TRPM3: variants seen among roughly 807,000 people sequenced by gnomAD.
TRPM3 encodes transient receptor potential cation channel subfamily M member 3, also known as long transient receptor potential channel 3.
TRPM3 carries 77 observed loss-of-function variants against 181.2 expected under a neutral mutation model. That is an observed-to-expected ratio of 0.42 (90% CI 0.35 to 0.51). TRPM3 has a LOEUF of 0.51. Among genes scored for constraint, TRPM3 ranks in the 20% least tolerant of loss-of-function variants. The pLI, the probability that TRPM3 is intolerant of heterozygous loss-of-function variation, is 0.01. For missense variants in TRPM3, 1,759 were observed against 2,196.7 expected, an observed-to-expected ratio of 0.80 and a Z score of 3.98; for synonymous variants, 745 against 796.4, an observed-to-expected ratio of 0.94 and a Z score of 1.09.
At chr9:71,317,733 T>C (rs1016466283) in intron 1 of TRPM3, among the ~76,000 whole-genome samples, 4 of 151,948 alleles carry the variant, frequency 2.6e-5, no homozygotes, top group African/African-American at 9.7e-5. Flanking sequence ...CAAAAAACCA[T>C]TGTTTTCATT....
At chr9:71,218,657 C>T (rs2080049361) in intron 1 of TRPM3, among the ~76,000 whole-genome samples, 1 of 152,202 alleles carries the variant, frequency 6.6e-6, no homozygotes, top group Admixed American at 6.5e-5. Flanking sequence ...ACACACATAA[C>T]ACATTTATTG....
intron 1 of TRPM3, among the ~76,000 whole-genome samples, chr9:71,384,500 G>A (rs555541415): frequency 6.6e-6 from 1 of 152,278 alleles, no homozygotes. Flanking sequence ...CACGGCTGTC[G>A]TCATGGAGAC....
At chr9:70,855,555 G>T (rs1184967727) in intron 3 of TRPM3, among the ~76,000 whole-genome samples, 1 of 152,048 alleles carries the variant, frequency 6.6e-6, no homozygotes, top group Non-Finnish European at 1.5e-5. Context: ...GTAATCACCT[G>T]GTTTTTGTTA....
intron 1 of TRPM3, among the ~76,000 whole-genome samples, chr9:70,924,743 T>C (rs571158541): frequency 6.6e-6 from 1 of 152,308 alleles, no homozygotes; most frequent in East Asian, 1.9e-4. Context: ...ACGTAAGCCT[T>C]ATAGTCCTGA....
rs78104094 is a variant in TRPM3, at chr9:71,047,758, T to C, written c.177+73420A>G. Among the ~76,000 whole-genome samples, 752 of 152,028 alleles carry C rather than the reference T, an allele frequency of 4.9e-3. 18 individuals are homozygous for C. The East Asian group carries it at 0.078, about 16-fold the overall frequency. On this transcript the variant is annotated intron_variant, in intron 1 of 25. Coordinates refer to ENST00000677713, the MANE Select transcript of TRPM3 (RefSeq NM_001366145.2). Reference sequence around the variant, plus strand: ...CTACAAAACTGTAAGTAGGTACATATGCAATTGCCACAGAAAATCATTGCT... The same window carrying C: ...CTACAAAACTGTAAGTAGGTACATACGCAATTGCCACAGAAAATCATTGCT...
chr9:70,864,148 A>G (rs1251672359), intron 2 of TRPM3, among the ~76,000 whole-genome samples: 1 of 152,080 alleles, frequency 6.6e-6, no homozygotes, highest in African/African-American at 2.4e-5. Flanking sequence ...AAAAGGAAAA[A>G]CCAATAACCA....
At chr9:71,062,947 C>G (rs756074825) in intron 1 of TRPM3, among the ~76,000 whole-genome samples, 7 of 151,992 alleles carry the variant, frequency 4.6e-5, no homozygotes, top group Non-Finnish European at 8.8e-5. Flanking sequence ...TATAAGTTAC[C>G]CAGTTTGTGA....
intron 1 of TRPM3, among the ~76,000 whole-genome samples, chr9:71,212,067 C>T (rs930838642): frequency 6.6e-6 from 1 of 152,148 alleles, no homozygotes; most frequent in Non-Finnish European, 1.5e-5. Context: ...TCATCCTCTG[C>T]CTCCATGCTT....
chr9:71,328,352 G>A (rs1303369028), intron 1 of TRPM3, among the ~76,000 whole-genome samples: 2 of 152,018 alleles, frequency 1.3e-5, no homozygotes, highest in Non-Finnish European at 2.9e-5. Flanking sequence ...TTTTTTAGTA[G>A]AGACGGGGTT....
At chr9:71,183,324 G>A (rs999573683) in intron 1 of TRPM3, among the ~76,000 whole-genome samples, 4 of 152,124 alleles carry the variant, frequency 2.6e-5, no homozygotes, top group African/African-American at 4.8e-5. Flanking sequence ...GAACGTAGAG[G>A]AACAGAGAAG....
At chr9:71,120,786 G>A (rs2073472041) in intron 1 of TRPM3, among the ~76,000 whole-genome samples, 1 of 152,140 alleles carries the variant, frequency 6.6e-6, no homozygotes, top group Non-Finnish European at 1.5e-5. Flanking sequence ...GCTTCCCCAG[G>A]GAGAGAGAAA....
Position 70,535,419 on chromosome 9 carries a change from T to G in TRPM3, c.*534A>C, listed in dbSNP as rs1054659354. On this transcript the variant is annotated 3_prime_UTR_variant, in exon 26 of 26. Coordinates refer to ENST00000677713, the MANE Select transcript of TRPM3 (RefSeq NM_001366145.2). ...ATGTGGGACGTTAGGTAGAACTGCT[T>G]GCTGCCGGCTTATACTGAATAAAGA... 3 of 1,550,484 alleles carry G rather than the reference T, an allele frequency of 1.9e-6. No homozygotes were observed. Among genetic ancestry groups the G allele is most frequent in the Admixed American group, 2.0e-5 (1 of 50,986 alleles).
intron 7 of TRPM3, among the ~76,000 whole-genome samples, chr9:70,772,025 T>A (rs2080377403): frequency 6.6e-6 from 1 of 152,140 alleles, no homozygotes; most frequent in Admixed American, 6.5e-5. Flanking sequence ...ATCGAATGAC[T>A]AAATACATAA....
intron 1 of TRPM3, among the ~76,000 whole-genome samples, chr9:71,168,631 ATTATTTT>A (rs1565298389): frequency 2.2e-4 from 20 of 92,434 alleles, no homozygotes; most frequent in African/African-American, 7.5e-4. Context: ...TTATTTTTTT[ATTATTTT>A]TTATTTTTTT....
chr9:71,237,472 G>A (rs891791953), intron 1 of TRPM3, among the ~76,000 whole-genome samples: 1 of 152,106 alleles, frequency 6.6e-6, no homozygotes, highest in Admixed American at 6.6e-5. Context: ...AAAGGGTGTG[G>A]ATAGCAACAG....
At chr9:70,652,205 A>G (rs1272699065) in intron 9 of TRPM3, among the ~76,000 whole-genome samples, 1 of 152,128 alleles carries the variant, frequency 6.6e-6, no homozygotes, top group African/African-American at 2.4e-5. Flanking sequence ...ATCAGGTAGA[A>G]ATCAGGTTTT....
chr9:71,333,935 T>C (rs1486039515), intron 1 of TRPM3, among the ~76,000 whole-genome samples: 2 of 151,690 alleles, frequency 1.3e-5, no homozygotes, highest in African/African-American at 4.8e-5. Context: ...CAGAGGAAAA[T>C]AACACATCTG....
intron 22 of TRPM3, among the ~76,000 whole-genome samples, chr9:70,575,286 C>T (rs1470844943): frequency 6.6e-6 from 1 of 152,118 alleles, no homozygotes; most frequent in Admixed American, 6.5e-5. Context: ...CTGGAGCTGG[C>T]TTCCCCGCTG....
At position 70,829,406 on chromosome 9, in the gene TRPM3, A is replaced by G. The variant is rs147282505; in HGVS notation, c.802-1388T>C. 3.2e-3 allele frequency among the ~76,000 whole-genome samples: 482 copies of G among 152,262 alleles called. 3 individuals are homozygous for G. Among genetic ancestry groups the G allele is most frequent in the South Asian group, 0.02 (95 of 4,830 alleles). On this transcript the variant is annotated intron_variant, in intron 5 of 25. Coordinates refer to ENST00000677713, the MANE Select transcript of TRPM3 (RefSeq NM_001366145.2). Reference sequence around the variant, plus strand: ...TAGTGAATGAATGAATGAATAGGCAAACTTGAGACAGACATGCTTTTGTTC... The same window carrying G: ...TAGTGAATGAATGAATGAATAGGCAGACTTGAGACAGACATGCTTTTGTTC...
Sources: allele counts gnomAD v4.1 joint callset (sites outside exome capture counted in the v4.1 genomes callset), GRCh38; gene constraint gnomAD v4.1.1; transcripts MANE v1.5; gene names NCBI Gene and HGNC (gene_info 2026-07-23, HGNC 2026-07-21).